Variants in NDFIP2 observed in about 807,000 individuals in gnomAD.
The protein encoded by NDFIP2 is NEDD4 family-interacting protein 2.
Under a neutral mutation model 36.0 loss-of-function variants are expected in NDFIP2, and 19 were observed. That is an observed-to-expected ratio of 0.53 (90% confidence interval 0.37 to 0.77). The LOEUF (loss-of-function observed/expected upper bound fraction) is 0.77. Among genes scored for constraint, NDFIP2 ranks in the 30% least tolerant of loss-of-function variants. The probability of loss-of-function intolerance (pLI) is 0.00; values close to 1 mark genes in which losing one functional copy is unlikely to be tolerated. For missense variants in NDFIP2, 446 were observed against 435.8 expected (o/e 1.02, Z -0.21); for synonymous variants, 181 against 167.7 (o/e 1.08, Z -0.61).
intron 6 of NDFIP2, among the ~76,000 whole-genome samples, chr13:79,550,220 T>C (rs1875852076): frequency 6.6e-6 from 1 of 151,796 alleles, no homozygotes; most frequent in African/African-American, 2.4e-5. Context: ...AATGGTAATG[T>C]TTTATACTTA....
chr13:79,526,107 C>T (rs943235889), intron 2 of NDFIP2, among the ~76,000 whole-genome samples: 2 of 152,082 alleles, frequency 1.3e-5, no homozygotes, highest in African/African-American at 4.8e-5. Context: ...GACTAAGGTG[C>T]TGGTGGTGAA....
At chr13:79,515,230 G>C (rs1874241953) in intron 1 of NDFIP2, among the ~76,000 whole-genome samples, 1 of 138,524 alleles carries the variant, frequency 7.2e-6, no homozygotes, top group Non-Finnish European at 1.5e-5. Flanking sequence ...AATCTTATGA[G>C]GCCACTATCT....
intron 4 of NDFIP2, among the ~76,000 whole-genome samples, chr13:79,540,917 T>C (rs1875428974): frequency 6.6e-6 from 1 of 152,206 alleles, no homozygotes; most frequent in Admixed American, 6.5e-5. Context: ...TTATATAATG[T>C]TAGGTATAAT....
rs1308310832 is a variant in NDFIP2, at chr13:79,552,739, T to C, written c.*226T>C. ...TTTTGCACATATGCATATGTGCCCATTTAAGATATTTGCATATACTTGATA... is the reference window on the plus strand; with the variant it reads ...TTTTGCACATATGCATATGTGCCCACTTAAGATATTTGCATATACTTGATA... On this transcript the variant is annotated 3_prime_UTR_variant, in exon 8 of 8. Coordinates refer to ENST00000218652, the MANE Select transcript of NDFIP2 (RefSeq NM_019080.3). 1.3e-5 allele frequency: 2 copies of C among 151,938 alleles called. No individual in the cohort carries two copies. Among genetic ancestry groups the C allele is most frequent in the African/African-American group, 4.8e-5 (2 of 41,416 alleles). 9.4% of individuals were successfully genotyped at this position (151,938 alleles called of 1,614,324 possible).
intron 1 of NDFIP2, among the ~76,000 whole-genome samples, chr13:79,501,758 T>A (rs1167401276): frequency 6.6e-6 from 1 of 152,148 alleles, no homozygotes; most frequent in Non-Finnish European, 1.5e-5. Context: ...TATGTCTAAG[T>A]AATTGATGTT....
chr13:79,533,087 G>T (rs2137100631), intron 2 of NDFIP2, among the ~76,000 whole-genome samples: 1 of 152,180 alleles, frequency 6.6e-6, no homozygotes, highest in South Asian at 2.1e-4. Flanking sequence ...AGAGGTTCTT[G>T]TTTAGTGTAT....
At chr13:79,495,817 T>G (rs1345912711) in intron 1 of NDFIP2, among the ~76,000 whole-genome samples, 2 of 151,942 alleles carry the variant, frequency 1.3e-5, no homozygotes, top group Non-Finnish European at 2.9e-5. Context: ...GAAAAAAGTT[T>G]TAGTGTCCCT....
Position 79,513,163 on chromosome 13 carries a change from A to G in NDFIP2, c.322-7647A>G, listed in dbSNP as rs556175280. Among the ~76,000 whole-genome samples, 20 of 152,320 alleles carry G rather than the reference A, an allele frequency of 1.3e-4. 1 individual carries two copies. In the South Asian group the frequency reaches 3.3e-3, roughly 25 times the overall value. ...GGGTACCAACCAGTTGCCATGCCAA[A>G]GGAGTATCCTGATTAATGTAGTTGG... is the stretch of plus-strand genomic sequence containing the variant. On this transcript the variant is annotated intron_variant, in intron 1 of 7. Coordinates refer to ENST00000218652, the MANE Select transcript of NDFIP2 (RefSeq NM_019080.3).
Position 79,520,983 on chromosome 13 carries a change from A to G in NDFIP2, c.487+8A>G, listed in dbSNP as rs2137086394. 2.6e-6 allele frequency: 4 copies of G among 1,567,366 alleles called. No homozygotes were observed. The highest frequency in any genetic ancestry group is 2.6e-6 in the Non-Finnish European group (3 of 1,156,488). ...AAGTACCTACAACTTCAGGTATGAAACATCTAGTAATGTTTTTATTAGTTC... is the reference window on the plus strand; with the variant it reads ...AAGTACCTACAACTTCAGGTATGAAGCATCTAGTAATGTTTTTATTAGTTC... On this transcript the variant is annotated splice_region_variant and intron_variant, in intron 2 of 7. Coordinates refer to ENST00000218652, the MANE Select transcript of NDFIP2 (RefSeq NM_019080.3).
rs1015715237 is a variant in NDFIP2 at position 79,554,888 on chromosome 13, G to C, written c.*2375G>C. 1 of 151,816 alleles carries C rather than the reference G, an allele frequency of 6.6e-6. No homozygotes were observed. Among genetic ancestry groups the C allele is most frequent in the Admixed American group, 6.6e-5 (1 of 15,216 alleles). The allele number at this position is 151,816 out of a possible 1,614,324, so 9.4% of individuals were successfully genotyped here. A position where few individuals can be genotyped will look rare whatever the true frequency, so the allele number is the denominator to read the frequency against. ...ATTGTAAATGAATAAGCTAGTCATG[G>C]CTAGGATAATCCATTTTCATGTATT... On this transcript the variant is annotated 3_prime_UTR_variant, in exon 8 of 8. Transcript: ENST00000218652.
intron 1 of NDFIP2, among the ~76,000 whole-genome samples, chr13:79,493,278 T>C (rs1873314826): frequency 6.6e-6 from 1 of 152,230 alleles, no homozygotes; most frequent in Non-Finnish European, 1.5e-5. Context: ...TAAAGTGATA[T>C]GTAGTTTTAC....
intron 1 of NDFIP2, among the ~76,000 whole-genome samples, chr13:79,500,825 C>G (rs1438312713): frequency 1.3e-5 from 2 of 151,964 alleles, no homozygotes; most frequent in Non-Finnish European, 2.9e-5. Context: ...TGATATTTAC[C>G]CGAAGGAGTT....
chr13:79,550,907 G>A lies in NDFIP2; in HGVS notation c.908-110G>A, dbSNP rs1017616631. 5 of 583,392 alleles carry A rather than the reference G, an allele frequency of 8.6e-6. No homozygotes were observed. The African/African-American group carries it at 9.5e-5, about 11-fold the overall frequency. The allele number at this position is 583,392 out of a possible 1,614,324, so 36.1% of individuals were successfully genotyped here. A position where few individuals can be genotyped will look rare whatever the true frequency, so the allele number is the denominator to read the frequency against. ...TACAGAAATGAATGGAAGTCTGCAA[G>A]TAAAATTCCTTAAGCCAAGAGGATC... On this transcript the variant is annotated intron_variant, in intron 6 of 7. Transcript: ENST00000218652.
chr13:79,519,501 T>A (rs1309543442), intron 1 of NDFIP2, among the ~76,000 whole-genome samples: 1 of 152,238 alleles, frequency 6.6e-6, no homozygotes, highest in Non-Finnish European at 1.5e-5. Flanking sequence ...TAAAACGTCT[T>A]CAGTCACACT....
intron 1 of NDFIP2, among the ~76,000 whole-genome samples, chr13:79,499,604 T>C (rs774703705): frequency 1.4e-4 from 22 of 151,914 alleles, no homozygotes; most frequent in Non-Finnish European, 2.8e-4. Flanking sequence ...AAGTGGAATG[T>C]GAAATTAAAA....
At chr13:79,516,529 T>C (rs1420271646) in intron 1 of NDFIP2, among the ~76,000 whole-genome samples, 2 of 152,190 alleles carry the variant, frequency 1.3e-5, no homozygotes, top group Non-Finnish European at 2.9e-5. Context: ...AAGTTTTTTA[T>C]TGAGCTAATA....
rs1474284352 is a variant in NDFIP2, at chr13:79,551,077, G to A, written c.968G>A (p.Ser323Asn). 1 of 1,604,654 alleles carries A rather than the reference G, an allele frequency of 6.2e-7. No homozygotes were observed. Among genetic ancestry groups the A allele is most frequent in the Non-Finnish European group, 8.5e-7 (1 of 1,175,016 alleles). ...CTAAAAGTCAGAAACATGTCTGAAA[G>A]TATGGCAGCTGCTCATAGAACAAGG... ...NYLKVRNMSE[S>N]MAAAHRTRYF... The change falls in exon 7 of 8, where the codon AGT (serine) becomes AAT (asparagine). Residue 323 changes from serine to asparagine, a missense_variant. Ser to Asn is a conservative substitution (Grantham distance 46). Around this residue, in one of 2 missense-constraint regions of NDFIP2, gnomAD observed 77 missense variants for 131.0 expected, o/e 0.59. Transcript: ENST00000218652.
chr13:79,543,760 T>C, intron 5 of NDFIP2, 78 bp downstream of exon 5: 3 of 1,530,514 alleles, frequency 2.0e-6, no homozygotes, highest in Non-Finnish European at 2.7e-6. Context: ...TCATAAATGG[T>C]CACTTTATTT....
intron 1 of NDFIP2, among the ~76,000 whole-genome samples, chr13:79,502,714 C>T (rs997429813): frequency 4.6e-5 from 7 of 151,958 alleles, no homozygotes; most frequent in African/African-American, 1.2e-4. Flanking sequence ...TTCAGCGAGA[C>T]GTTTGGGTGA....
Sources: gnomAD v4.1 joint callset for allele counts (sites outside exome capture counted in the v4.1 genomes callset) on GRCh38, gnomAD v4.1.1 for gene constraint, gnomAD v4.1.1 regional missense constraint, MANE v1.5 for transcripts, NCBI Gene and HGNC (gene_info 2026-07-23, HGNC 2026-07-21) for gene names.